TNNC2: variants seen among roughly 807,000 people sequenced by gnomAD.
The protein encoded by TNNC2 is troponin C2, fast skeletal type.
Under a neutral mutation model 20.0 loss-of-function variants are expected in TNNC2, and 14 were observed. That is an observed-to-expected ratio of 0.70 (90% confidence interval 0.46 to 1.09). TNNC2 has a LOEUF of 1.09. TNNC2 is among the 50% of genes least tolerant of loss of function. The pLI is 0.00. For missense variants in TNNC2, 163 were observed against 223.8 expected, an observed-to-expected ratio of 0.73 and a Z score of 1.73; for synonymous variants, 81 against 77.3, an observed-to-expected ratio of 1.05 and a Z score of -0.25.
chr20:45,824,703 C>G (rs372161203), intron 2 of TNNC2, 65 bp from the exon 3 acceptor site: 14 of 1,579,198 alleles, frequency 8.9e-6, no homozygotes, highest in Middle Eastern at 1.7e-4. Context: ...CCTACCCCCC[C>G]CCAACCCCCA....
Position 45,824,137 on chromosome 20 carries a change from C to G in TNNC2, c.315-10G>C. The G allele has an allele frequency of 6.2e-7, 1 of 1,613,546 alleles. No individual in the cohort carries two copies. Among genetic ancestry groups the G allele is most frequent in the South Asian group, 1.1e-5 (1 of 91,068 alleles). On this transcript the variant is annotated splice_polypyrimidine_tract_variant and intron_variant, in intron 4 of 5. Transcript: ENST00000372555. ...GTAGCCGTCTGCATTCCTTCAGGTCCGAGGGACAGGGCAGGGCTCAGGGCC... is the reference window on the plus strand; with the variant it reads ...GTAGCCGTCTGCATTCCTTCAGGTCGGAGGGACAGGGCAGGGCTCAGGGCC...
At chr20:45,829,561 C>G (rs1396231488), upstream of TNNC2, among the ~76,000 whole-genome samples, 1 of 151,772 alleles carries the variant, frequency 6.6e-6, no homozygotes, top group East Asian at 2.0e-4. Flanking sequence ...GGGCGGATCA[C>G]GAGGTCAGGA....
chr20:45,824,357 C>T lies in TNNC2; in HGVS notation c.249G>A (p.Gln83=). 6.2e-7 allele frequency: 1 copy of T among 1,611,298 alleles called. No individual in the cohort carries two copies. Among genetic ancestry groups the T allele is most frequent in the Non-Finnish European group, 8.5e-7 (1 of 1,179,996 alleles). ...TCTTCCCTTTCGCGTCCTCTTTCATCTGGCGCACCATCATGACCAAGAACT... is the reference window on the plus strand; with the variant it reads ...TCTTCCCTTTCGCGTCCTCTTTCATTTGGCGCACCATCATGACCAAGAACT... The part of the protein sequence containing the change: ...FEEFLVMMVR[Q]MKEDAKGKSE... The change falls in exon 4 of 6, where the codon CAG becomes CAA. Residue 83 remains glutamine, a synonymous_variant. Transcript: ENST00000372555.
At chr20:45,826,641 G>A (rs1380322208) in intron 1 of TNNC2, among the ~76,000 whole-genome samples, 1 of 152,208 alleles carries the variant, frequency 6.6e-6, no homozygotes, top group Non-Finnish European at 1.5e-5. Context: ...ACAGCAGCTG[G>A]CCTCTGGGAT....
Position 45,824,285 on chromosome 20 carries a change from A to G in TNNC2, c.314+7T>C. ...CCCCTCCCTCGGCTCCCGGGCCCCC[A>G]GCGCACCTGTCGAAGATGCGGAAGC... is the stretch of plus-strand genomic sequence containing the variant. On this transcript the variant is annotated splice_region_variant and intron_variant, in intron 4 of 5. Transcript: ENST00000372555. 1 of 1,609,500 alleles carries G rather than the reference A, an allele frequency of 6.2e-7. No individual in the cohort carries two copies. The highest frequency in any genetic ancestry group is 8.5e-7 in the Non-Finnish European group (1 of 1,179,748).
chr20:45,827,690 C>T (rs970594873), upstream of TNNC2, among the ~76,000 whole-genome samples: 4 of 152,176 alleles, frequency 2.6e-5, no homozygotes. Flanking sequence ...CAAGGCCAGC[C>T]TCTGCGAGTT....
At chr20:45,828,739 G>A (rs961110044), upstream of TNNC2, among the ~76,000 whole-genome samples, 2 of 152,062 alleles carry the variant, frequency 1.3e-5, no homozygotes, top group Non-Finnish European at 2.9e-5. Flanking sequence ...GTGGCTACGT[G>A]GACAGAAAGA....
upstream of TNNC2, among the ~76,000 whole-genome samples, chr20:45,829,795 A>G (rs1364081438): frequency 6.7e-6 from 1 of 150,060 alleles, no homozygotes; most frequent in Non-Finnish European, 1.5e-5. Flanking sequence ...CAAAAAAAAA[A>G]AAAGTTTCAT....
Position 45,824,574 on chromosome 20 carries a change from CA to C in TNNC2, c.119del (p.Leu40TrpfsTer4). ...DGGGDISVKELGTVMRMLGQT... is the reference protein window; with the variant it reads ...DGGGDISVKEXGTVMRMLGQT... ...GGCCCAGCATCCTCATCACCGTGCC[CA>C]ACTCCTTGACGCTGATGTCCCCACC... On this transcript the variant is annotated frameshift_variant, in exon 3 of 6. Coordinates refer to ENST00000372555, the MANE Select transcript of TNNC2 (RefSeq NM_003279.3). LOFTEE classifies it high-confidence loss of function. The C allele has an allele frequency of 6.2e-7, 1 of 1,613,014 alleles. No homozygotes were observed. The highest frequency in any genetic ancestry group is 1.3e-5 in the African/African-American group (1 of 75,022).
In TNNC2 at chr20:45,823,337, C is replaced by T; in HGVS notation, c.*11G>A. 6.3e-7 allele frequency: 1 copy of T among 1,582,204 alleles called. No individual in the cohort carries two copies. Among genetic ancestry groups the T allele is most frequent in the Non-Finnish European group, 8.6e-7 (1 of 1,164,312 alleles). On this transcript the variant is annotated 3_prime_UTR_variant, in exon 6 of 6. Transcript: ENST00000372555. The surrounding 1 kb of genome is among the most constrained non-coding windows in gnomAD (Gnocchi z 4.6). ...GGACACGCGATCTTGGTAGAGGCGA[C>T]TGTCCACTCCTTACTGCACGCCCTC...
chr20:45,830,144 C>A (rs1012937324), upstream of TNNC2, among the ~76,000 whole-genome samples: 1 of 151,360 alleles, frequency 6.6e-6, no homozygotes, highest in East Asian at 2.0e-4. Flanking sequence ...ACCATCCTGG[C>A]CAGCATGGTG....
rs1316866323 is a variant in TNNC2 at position 45,824,131 on chromosome 20, C to G, written c.315-4G>C. 6.2e-7 allele frequency: 1 copy of G among 1,613,718 alleles called. No homozygotes were observed. Among genetic ancestry groups the G allele is most frequent in the Admixed American group, 1.7e-5 (1 of 60,020 alleles). On this transcript the variant is annotated splice_region_variant and splice_polypyrimidine_tract_variant and intron_variant, in intron 4 of 5. Coordinates refer to ENST00000372555, the MANE Select transcript of TNNC2 (RefSeq NM_003279.3). ...GTCGATGTAGCCGTCTGCATTCCTT[C>G]AGGTCCGAGGGACAGGGCAGGGCTC...
chr20:45,829,325 C>T (rs770660869), upstream of TNNC2, among the ~76,000 whole-genome samples: 5 of 152,088 alleles, frequency 3.3e-5, no homozygotes, highest in South Asian at 1.0e-3. Flanking sequence ...CCACCATGCC[C>T]GGCTAATTTT....
At chr20:45,827,197 T>C (rs978290243) in intron 1 of TNNC2, 49 bp downstream of exon 1, 1 of 1,613,358 alleles carries the variant, frequency 6.2e-7, no homozygotes, top group Non-Finnish European at 8.5e-7. Context: ...CTGAAAGGGG[T>C]CCAGAGTGCT....
In TNNC2 at chr20:45,824,554, A is replaced by G; in HGVS notation, c.140T>C (p.Leu47Pro). The G allele has an allele frequency of 6.2e-7, 1 of 1,613,498 alleles. No homozygotes were observed. The highest frequency in any genetic ancestry group is 8.5e-7 in the Non-Finnish European group (1 of 1,180,022). Residue 47 changes from leucine to proline, a missense_variant, in exon 3 of 6, where the codon CTG becomes CCG. Transcript: ENST00000372555. ...VKELGTVMRM[L>P]GQTPTKEELD... ...CTCCTCCTTGGTGGGTGTCTGGCCC[A>G]GCATCCTCATCACCGTGCCCAACTC... is the stretch of plus-strand genomic sequence containing the variant.
rs1198445548 is a variant in TNNC2 at position 45,823,851 on chromosome 20, C to A, written c.451+140G>T. ...TCGTGGAGCGCTTCTATACCTGCCCCCAGGAGACTATGGGGAACTTGGTGA... is the reference window on the plus strand; with the variant it reads ...TCGTGGAGCGCTTCTATACCTGCCCACAGGAGACTATGGGGAACTTGGTGA... On this transcript the variant is annotated intron_variant, in intron 5 of 5. Coordinates refer to ENST00000372555, the MANE Select transcript of TNNC2 (RefSeq NM_003279.3). The surrounding 1 kb of genome is among the most constrained non-coding windows in gnomAD (Gnocchi z 4.6). The A allele has an allele frequency of 1.4e-6, 2 of 1,421,124 alleles. No homozygotes were observed. Among genetic ancestry groups the A allele is most frequent in the Non-Finnish European group, 1.9e-6 (2 of 1,049,226 alleles). 88.0% of individuals were successfully genotyped at this position (1,421,124 alleles called of 1,614,324 possible).
chr20:45,824,892 C>T (rs1982928333), intron 1 of TNNC2, 58 bp from the exon 2 acceptor site: 2 of 1,597,788 alleles, frequency 1.3e-6, no homozygotes, highest in Admixed American at 3.4e-5. Flanking sequence ...CAGTTCCTCA[C>T]CTCAAAGCCA....
chr20:45,824,478 G>T lies in TNNC2; in HGVS notation c.199+17C>A, dbSNP rs754488258. 3.1e-6 allele frequency: 5 copies of T among 1,613,106 alleles called. No homozygotes were observed. The Admixed American group carries it at 5.0e-5, about 16-fold the overall frequency. On this transcript the variant is annotated intron_variant, in intron 3 of 5. Coordinates refer to ENST00000372555, the MANE Select transcript of TNNC2 (RefSeq NM_003279.3). The stretch of plus-strand genomic sequence containing the variant: ...CCTCTCCCCACCATCCCCTGCCTCC[G>T]AGGGACACCCGCTCACCGTCCTCAT...
At chr20:45,829,161 T>A (rs1377115313), upstream of TNNC2, among the ~76,000 whole-genome samples, 4 of 25,928 alleles carry the variant, frequency 1.5e-4, no homozygotes, top group Non-Finnish European at 4.8e-4. Flanking sequence ...TTGTTTTTGG[T>A]TTTTTTTTTT....
Sources: allele counts gnomAD v4.1 joint callset (sites outside exome capture counted in the v4.1 genomes callset), GRCh38; gene constraint gnomAD v4.1.1; non-coding constraint Gnocchi (gnomAD v3.1); transcripts MANE v1.5; gene names NCBI Gene and HGNC (gene_info 2026-07-23, HGNC 2026-07-21).